PELI2: variants seen among roughly 807,000 people sequenced by gnomAD.
PELI2 encodes the protein pellino E3 ubiquitin protein ligase family member 2, also known as E3 ubiquitin-protein ligase pellino homolog 2.
PELI2 carries 23 observed loss-of-function variants against 42.3 expected under a neutral mutation model. The observed-to-expected ratio is 0.54, with a 90% CI of 0.39 to 0.77. The LOEUF is 0.77. PELI2 is among the 30% of genes least tolerant of loss of function. The probability of loss-of-function intolerance (pLI) is 0.00; values close to 1 mark genes in which losing one functional copy is unlikely to be tolerated. For synonymous variants in PELI2, 245 were observed against 212.2 expected, an observed-to-expected ratio of 1.15 and a Z score of -1.34; for missense variants, 463 against 553.2, an observed-to-expected ratio of 0.84 and a Z score of 1.64.
At chr14:56,210,501 G>T (rs544012171) in intron 2 of PELI2, among the ~76,000 whole-genome samples, 2 of 152,120 alleles carry the variant, frequency 1.3e-5, no homozygotes, top group East Asian at 3.9e-4. Context: ...AAATCCTAGA[G>T]ACGAATAGGG....
chr14:56,297,909 T>G lies in PELI2; in HGVS notation c.*743T>G, dbSNP rs2139914510. 6.6e-6 allele frequency: 1 copy of G among 152,304 alleles called. No homozygotes were observed. Among genetic ancestry groups the G allele is most frequent in the East Asian group, 1.9e-4 (1 of 5,186 alleles). 9.4% of individuals were successfully genotyped at this position (152,304 alleles called of 1,614,324 possible). A position where few individuals can be genotyped will look rare whatever the true frequency, so the allele number is the denominator to read the frequency against. ...AATATGATTTGCCCCGATACTCATCTTGCACGGCCAGAACTGTTTGGTTGA... is the reference window on the plus strand; with the variant it reads ...AATATGATTTGCCCCGATACTCATCGTGCACGGCCAGAACTGTTTGGTTGA... On this transcript the variant is annotated 3_prime_UTR_variant, in exon 6 of 6. Coordinates refer to ENST00000267460, the MANE Select transcript of PELI2 (RefSeq NM_021255.3).
chr14:56,210,321 G>A (rs1313438537), intron 2 of PELI2, among the ~76,000 whole-genome samples: 1 of 152,208 alleles, frequency 6.6e-6, no homozygotes, highest in Non-Finnish European at 1.5e-5. Flanking sequence ...ACTGCCACAA[G>A]AGTTGAAAGT....
intron 3 of PELI2, among the ~76,000 whole-genome samples, chr14:56,280,170 A>G (rs1889427481): frequency 6.6e-6 from 1 of 152,170 alleles, no homozygotes; most frequent in Non-Finnish European, 1.5e-5. Flanking sequence ...AACTGACAAG[A>G]CGAGGCCAAC....
chr14:56,123,153 A>G (rs1335783479), intron 1 of PELI2, among the ~76,000 whole-genome samples: 1 of 151,860 alleles, frequency 6.6e-6, no homozygotes, highest in Admixed American at 6.6e-5. Context: ...AAAGAGGGGT[A>G]TAGTAGCTTG....
At chr14:56,193,663 CAT>C (rs1009903851) in intron 2 of PELI2, among the ~76,000 whole-genome samples, 1 of 152,100 alleles carries the variant, frequency 6.6e-6, no homozygotes. Context: ...TTAAAAAATC[CAT>C]ATGAGTTAAT....
intron 2 of PELI2, among the ~76,000 whole-genome samples, chr14:56,227,023 G>A (rs973191308): frequency 1.3e-5 from 2 of 152,224 alleles, no homozygotes; most frequent in African/African-American, 4.8e-5. Context: ...TTAAATGTCT[G>A]TGGCAATTTT....
chr14:56,173,819 A>G (rs973938495), intron 1 of PELI2, among the ~76,000 whole-genome samples: 6 of 152,214 alleles, frequency 3.9e-5, no homozygotes, highest in African/African-American at 1.4e-4. Context: ...ACAGTAATCG[A>G]GGATGATCTC....
At chr14:56,163,313 G>C (rs1310213811) in intron 1 of PELI2, among the ~76,000 whole-genome samples, 1 of 152,096 alleles carries the variant, frequency 6.6e-6, no homozygotes, top group Non-Finnish European at 1.5e-5. Context: ...AGTTTTCCCA[G>C]CACCATTTAT....
chr14:56,177,478 A>C (rs1319201353), intron 1 of PELI2, among the ~76,000 whole-genome samples: 1 of 152,206 alleles, frequency 6.6e-6, no homozygotes, highest in African/African-American at 2.4e-5. Context: ...ACTTCCGCCA[A>C]GGTGGAAGCA....
chr14:56,204,282 G>A (rs1162204215), intron 2 of PELI2, among the ~76,000 whole-genome samples: 2 of 152,188 alleles, frequency 1.3e-5, no homozygotes, highest in Admixed American at 6.5e-5. Context: ...GTTTTAGACC[G>A]AATTGGTGGC....
At chr14:56,120,517 A>C (rs920112302) in intron 1 of PELI2, among the ~76,000 whole-genome samples, 1 of 152,214 alleles carries the variant, frequency 6.6e-6, no homozygotes, top group African/African-American at 2.4e-5. Context: ...ATAACGTTGC[A>C]GTTGCATATG....
At chr14:56,242,804 A>T (rs989861029) in intron 2 of PELI2, among the ~76,000 whole-genome samples, 10 of 152,210 alleles carry the variant, frequency 6.6e-5, no homozygotes, top group African/African-American at 2.4e-4. Context: ...CTAAACTATG[A>T]GGACCCAAAT....
intron 2 of PELI2, among the ~76,000 whole-genome samples, chr14:56,238,985 C>G (rs1308450027): frequency 1.3e-5 from 2 of 152,150 alleles, no homozygotes; most frequent in East Asian, 3.8e-4. Context: ...ATTAAACATA[C>G]TTTATTGTTA....
rs767474302 is a variant in PELI2 at position 56,118,745 on chromosome 14, C to T, written c.77+8C>T. ...GGAGCTGGTGGTGCTCGGGTGAGTCCTGGGGTCCCTGGTCCCGGGCAGCGG... is the reference window on the plus strand; with the variant it reads ...GGAGCTGGTGGTGCTCGGGTGAGTCTTGGGGTCCCTGGTCCCGGGCAGCGG... On this transcript the variant is annotated splice_region_variant and intron_variant, in intron 1 of 5. Transcript: ENST00000267460. 1 of 1,488,436 alleles carries T rather than the reference C, an allele frequency of 6.7e-7. No homozygotes were observed. The highest frequency in any genetic ancestry group is 9.0e-7 in the Non-Finnish European group (1 of 1,111,834). 92.2% of individuals were successfully genotyped at this position (1,488,436 alleles called of 1,614,324 possible).
chr14:56,165,655 A>C (rs1884929322), intron 1 of PELI2, among the ~76,000 whole-genome samples: 1 of 152,144 alleles, frequency 6.6e-6, no homozygotes, highest in African/African-American at 2.4e-5. Flanking sequence ...TTCTGTTTGG[A>C]AGATCTGTTC....
chr14:56,252,101 A>G (rs895862198), intron 2 of PELI2, among the ~76,000 whole-genome samples: 12 of 152,178 alleles, frequency 7.9e-5, no homozygotes, highest in Non-Finnish European at 5.9e-5. Flanking sequence ...TGTTCAGCAA[A>G]CACTGAATGC....
intron 2 of PELI2, among the ~76,000 whole-genome samples, chr14:56,268,324 A>G (rs570404162): frequency 5.3e-5 from 8 of 152,306 alleles, no homozygotes; most frequent in Admixed American, 5.2e-4. Context: ...TAGCTCATAT[A>G]TATGTCAATA....
chr14:56,164,930 T>C (rs545415350), intron 1 of PELI2, among the ~76,000 whole-genome samples: 91 of 152,068 alleles, frequency 6.0e-4, no homozygotes, highest in African/African-American at 2.1e-3. Flanking sequence ...CTTGTCTCTT[T>C]TTTCTTAGTG....
intron 2 of PELI2, among the ~76,000 whole-genome samples, chr14:56,210,399 T>G (rs1886671963): frequency 2.0e-5 from 3 of 152,150 alleles, no homozygotes; most frequent in Admixed American, 2.0e-4. Flanking sequence ...GTGGCTTCTG[T>G]GTTTTATTGT....
Sources: gnomAD v4.1 joint callset for allele counts (sites outside exome capture counted in the v4.1 genomes callset) on GRCh38, gnomAD v4.1.1 for gene constraint, MANE v1.5 for transcripts, NCBI Gene and HGNC (gene_info 2026-07-23, HGNC 2026-07-21) for gene names.